Variants in SNTG2 observed in about 807,000 individuals in gnomAD.
SNTG2 encodes gamma-2-syntrophin.
Under a neutral mutation model 70.9 loss-of-function variants are expected in SNTG2, and 74 were observed. The observed-to-expected ratio is 1.04, with a 90% confidence interval of 0.86 to 1.27. The LOEUF (loss-of-function observed/expected upper bound fraction) is 1.27, where lower values mean the gene tolerates loss of function less well. Among genes scored for constraint, SNTG2 ranks in the 50% most tolerant of loss-of-function variants. The pLI is 0.00. For missense variants in SNTG2, 717 were observed against 690.7 expected (o/e 1.04, Z -0.43); for synonymous variants, 278 against 273.8 (o/e 1.02, Z -0.15).
At chr2:1,113,454 A>G (rs1369594944) in intron 4 of SNTG2, among the ~76,000 whole-genome samples, 2 of 147,400 alleles carry the variant, frequency 1.4e-5, no homozygotes, top group South Asian at 2.2e-4. Flanking sequence ...GGTTTAACCC[A>G]TACAGTCCTT....
chr2:954,673 G>T (rs1347108786), intron 1 of SNTG2, among the ~76,000 whole-genome samples: 1 of 152,124 alleles, frequency 6.6e-6, no homozygotes, highest in Non-Finnish European at 1.5e-5. Context: ...CCCTATGTGG[G>T]TGTAATCCCT....
At chr2:1,260,008 G>A (rs1006967959) in intron 13 of SNTG2, among the ~76,000 whole-genome samples, 2 of 152,222 alleles carry the variant, frequency 1.3e-5, no homozygotes, top group South Asian at 2.1e-4. Context: ...CACCGTGGCC[G>A]GGTGCCACCG....
chr2:958,976 A>T (rs1195217302), intron 1 of SNTG2, among the ~76,000 whole-genome samples: 4 of 152,210 alleles, frequency 2.6e-5, no homozygotes, highest in Admixed American at 2.6e-4. Flanking sequence ...AAGGATAAGG[A>T]CTCACACACA....
chr2:1,001,483 T>G (rs928986524), intron 1 of SNTG2, among the ~76,000 whole-genome samples: 3 of 151,994 alleles, frequency 2.0e-5, no homozygotes, highest in Admixed American at 6.6e-5. Flanking sequence ...ATGATCAAGC[T>G]GAGAACCAAT....
intron 6 of SNTG2, among the ~76,000 whole-genome samples, chr2:1,162,792 G>A (rs186522431): frequency 6.6e-6 from 1 of 152,284 alleles, no homozygotes; most frequent in African/African-American, 2.4e-5. Flanking sequence ...GGGGAGGATA[G>A]AATCAGACAA....
chr2:1,363,760 A>G (rs901489397), intron 16 of SNTG2, among the ~76,000 whole-genome samples: 4 of 152,262 alleles, frequency 2.6e-5, no homozygotes, highest in Admixed American at 1.3e-4. Flanking sequence ...TAACCAGACC[A>G]GAGATATCAT....
chr2:1,112,471 A>G (rs1398618936), intron 4 of SNTG2, among the ~76,000 whole-genome samples: 1 of 151,544 alleles, frequency 6.6e-6, no homozygotes, highest in Non-Finnish European at 1.5e-5. Context: ...AGTGAGGTTT[A>G]AACCTCACAG....
intron 14 of SNTG2, among the ~76,000 whole-genome samples, chr2:1,277,039 T>A (rs895911701): frequency 2.2e-4 from 33 of 152,270 alleles, no homozygotes; most frequent in African/African-American, 7.7e-4. Flanking sequence ...GAGGAGTTAC[T>A]CTTATGGATA....
intron 1 of SNTG2, among the ~76,000 whole-genome samples, chr2:953,355 A>G (rs1660039170): frequency 6.6e-6 from 1 of 152,266 alleles, no homozygotes; most frequent in African/African-American, 2.4e-5. Flanking sequence ...AAATGACAAC[A>G]CTTCTTCAGT....
chr2:1,109,689 T>C (rs554142118), intron 4 of SNTG2, among the ~76,000 whole-genome samples: 1 of 152,272 alleles, frequency 6.6e-6, no homozygotes, highest in East Asian at 1.9e-4. Context: ...GAAAATTCAT[T>C]CACAGCCACA....
At chr2:1,354,096 G>A (rs1247432430) in intron 16 of SNTG2, among the ~76,000 whole-genome samples, 1 of 152,096 alleles carries the variant, frequency 6.6e-6, no homozygotes, top group African/African-American at 2.4e-5. Flanking sequence ...GCCAAGATGT[G>A]GGTCATATTT....
Position 1,316,386 on chromosome 2 carries a change from T to G in SNTG2, c.1488+11T>G, listed in dbSNP as rs1681280248. 7.2e-7 allele frequency: 1 copy of G among 1,390,484 alleles called. No individual in the cohort carries two copies. Among genetic ancestry groups the G allele is most frequent in the African/African-American group, 1.4e-5 (1 of 69,946 alleles). The allele number at this position is 1,390,484 out of a possible 1,614,324, so 86.1% of individuals were successfully genotyped here. On this transcript the variant is annotated intron_variant, in intron 16 of 16. Transcript: ENST00000308624. Reference sequence around the variant, plus strand: ...CAGATTGAGACGAAGGTATGCGGCATGGGGCATGGGTTATTCTGCCACCAC... The same window carrying G: ...CAGATTGAGACGAAGGTATGCGGCAGGGGGCATGGGTTATTCTGCCACCAC...
chr2:1,221,298 TCCC>T (rs1674761900), intron 9 of SNTG2, among the ~76,000 whole-genome samples: 1 of 150,896 alleles, frequency 6.6e-6, no homozygotes, highest in Non-Finnish European at 1.5e-5. Flanking sequence ...TGTCTCTCTG[TCCC>T]TCTCTGTCTC....
chr2:1,081,434 G>A (rs1253340255), intron 1 of SNTG2, among the ~76,000 whole-genome samples: 2 of 152,360 alleles, frequency 1.3e-5, no homozygotes, highest in East Asian at 1.9e-4. Context: ...AGAGTTACAC[G>A]TTACACACAC....
chr2:1,167,074 A>G (rs1670759786), intron 7 of SNTG2, among the ~76,000 whole-genome samples: 1 of 152,250 alleles, frequency 6.6e-6, no homozygotes, highest in Admixed American at 6.5e-5. Flanking sequence ...CCCGGGATAC[A>G]GAAAGCCTTC....
chr2:1,046,976 C>A (rs979204987), intron 1 of SNTG2, among the ~76,000 whole-genome samples: 1 of 152,174 alleles, frequency 6.6e-6, no homozygotes, highest in Admixed American at 6.5e-5. Flanking sequence ...GTTCTCTTTT[C>A]TTCTCTTTCA....
chr2:1,097,539 C>T lies in SNTG2; in HGVS notation c.211-657C>T, dbSNP rs564823475. On this transcript the variant is annotated intron_variant, in intron 2 of 16. Coordinates refer to ENST00000308624, the MANE Select transcript of SNTG2 (RefSeq NM_018968.4). This position sits in a 1 kb window ranked among gnomAD's most constrained non-coding sequence, Gnocchi z 4.1. ...ATGTCTACCTGAAGTTGGCAACAGT[C>T]GCATTCATCAGATTAGACCACAGCA... Among the ~76,000 whole-genome samples, 6 of 152,168 alleles carry T rather than the reference C, an allele frequency of 3.9e-5. No homozygotes were observed. Among genetic ancestry groups the T allele is most frequent in the Admixed American group, 1.3e-4 (2 of 15,284 alleles).
At chr2:1,011,339 C>T (rs938721337) in intron 1 of SNTG2, among the ~76,000 whole-genome samples, 3 of 152,236 alleles carry the variant, frequency 2.0e-5, no homozygotes, top group Non-Finnish European at 4.4e-5. Context: ...CAATTCAAGA[C>T]ATGCCTTTTA....
intron 14 of SNTG2, among the ~76,000 whole-genome samples, chr2:1,287,854 T>C (rs1679828944): frequency 6.6e-6 from 1 of 152,138 alleles, no homozygotes; most frequent in Admixed American, 6.5e-5. Context: ...TGTGGTTGCA[T>C]TAATGGAAGG....
Sources: gnomAD v4.1 joint callset for allele counts (sites outside exome capture counted in the v4.1 genomes callset) on GRCh38, gnomAD v4.1.1 for gene constraint, Gnocchi (gnomAD v3.1) non-coding constraint, MANE v1.5 for transcripts, NCBI Gene and HGNC (gene_info 2026-07-23, HGNC 2026-07-21) for gene names.